Variants in WNT9B observed in about 807,000 individuals in gnomAD.
WNT9B encodes protein Wnt-9b.
Under a neutral mutation model 30.2 loss-of-function variants are expected in WNT9B, and 12 were observed. The observed-to-expected ratio is 0.40, with a 90% CI of 0.26 to 0.64. The LOEUF (loss-of-function observed/expected upper bound fraction) is 0.64, where lower values mean the gene tolerates loss of function less well. Ranked by LOEUF, WNT9B falls within the 30% of genes least tolerant of loss-of-function variation. WNT9B has a pLI of 0.42. For synonymous variants in WNT9B, 218 were observed against 216.9 expected (o/e 1.01, Z -0.05); for missense variants, 442 against 485.2 (o/e 0.91, Z 0.84).
downstream of WNT9B, chr17:46,885,299 C>A (rs1220061478): frequency 1.7e-5 from 4 of 240,652 alleles, no homozygotes; most frequent in African/African-American, 7.8e-5. Flanking sequence ...AGCCACTGCG[C>A]CTGGCCAGCA....
intron 1 of WNT9B, among the ~76,000 whole-genome samples, chr17:46,863,315 C>G (rs1024945924): frequency 6.6e-6 from 1 of 152,162 alleles, no homozygotes; most frequent in Non-Finnish European, 1.5e-5. Context: ...GGTTAGACAC[C>G]TAAGGGGCAT....
At chr17:46,841,760 G>C (rs1045205776) in intron 1 of WNT9B, among the ~76,000 whole-genome samples, 6 of 152,258 alleles carry the variant, frequency 3.9e-5, no homozygotes, top group Non-Finnish European at 8.8e-5. Context: ...GCAGTGTGAG[G>C]CAGGCGGACA....
chr17:46,868,995 C>T (rs376849478), intron 1 of WNT9B, among the ~76,000 whole-genome samples: 6 of 152,186 alleles, frequency 3.9e-5, no homozygotes, highest in East Asian at 3.9e-4. Flanking sequence ...AAAGGAAATA[C>T]GATCCCAAAC....
chr17:46,842,174 T>C (rs567401779), intron 1 of WNT9B, among the ~76,000 whole-genome samples: 2 of 152,322 alleles, frequency 1.3e-5, no homozygotes, highest in Admixed American at 6.5e-5. Flanking sequence ...TTTAGGTCCT[T>C]GGGCAGGCCA....
chr17:46,844,223 C>T (rs921092780), intron 1 of WNT9B, among the ~76,000 whole-genome samples: 3 of 151,612 alleles, frequency 2.0e-5, no homozygotes, highest in Non-Finnish European at 2.9e-5. Context: ...TCCCAGAATG[C>T]TAGGATTATA....
intron 1 of WNT9B, among the ~76,000 whole-genome samples, chr17:46,858,677 A>G (rs7211690): frequency 0.025 from 3,734 of 152,166 alleles, 155 homozygotes; most frequent in African/African-American, 0.085. Flanking sequence ...TTCCTCCAGA[A>G]CCATGTAGGA....
In WNT9B at chr17:46,875,328, G is replaced by T; in HGVS notation, c.562G>T (p.Ala188Ser). 6.2e-7 allele frequency: 1 copy of T among 1,612,564 alleles called. No individual in the cohort carries two copies. Among genetic ancestry groups the T allele is most frequent in the Non-Finnish European group, 8.5e-7 (1 of 1,178,914 alleles). The change falls in exon 3 of 4, where the codon GCA (alanine) becomes TCA (serine). Residue 188 changes from alanine (A) to serine (S), a missense_variant. Coordinates refer to ENST00000290015, the MANE Select transcript of WNT9B (RefSeq NM_003396.3). Reference sequence around the variant, plus strand: ...CAAGAGAGGAAACAAGGACCTGCGGGCACGGGCAGACGCCCACAATACCCA... The same window carrying T: ...CAAGAGAGGAAACAAGGACCTGCGGTCACGGGCAGACGCCCACAATACCCA... ...GSKRGNKDLRARADAHNTHVG... is the reference protein window; with the variant it reads ...GSKRGNKDLRSRADAHNTHVG...
At chr17:46,848,812 C>T (rs1436872470), upstream of WNT9B, among the ~76,000 whole-genome samples, 1 of 152,226 alleles carries the variant, frequency 6.6e-6, no homozygotes, top group Non-Finnish European at 1.5e-5. Flanking sequence ...ACACCTGCTA[C>T]GTCAGCTCTC....
downstream of WNT9B, among the ~76,000 whole-genome samples, chr17:46,884,442 C>G (rs2085464981): frequency 6.6e-6 from 1 of 152,126 alleles, no homozygotes; most frequent in African/African-American, 2.4e-5. Flanking sequence ...AGGAGATCCT[C>G]AAGCTCTGCT....
rs1422586652 is a variant in WNT9B at position 46,876,900 on chromosome 17, TCAACAAAG to T, written c.*183_*190del. The T allele has an allele frequency of 2.1e-5, 29 of 1,370,122 alleles. No homozygotes were observed. The East Asian group carries it at 5.3e-4, about 25-fold the overall frequency. 84.9% of individuals were successfully genotyped at this position (1,370,122 alleles called of 1,614,324 possible). A position where few individuals can be genotyped will look rare whatever the true frequency, so the allele number is the denominator to read the frequency against. The stretch of plus-strand genomic sequence containing the variant: ...GCCAGCCTTTTGCCTCCCTCGATAC[TCAACAAAG>T]AGAAGCAAAGCCTCCTCCCTTAACC... On this transcript the variant is annotated 3_prime_UTR_variant, in exon 4 of 4. Coordinates refer to ENST00000290015, the MANE Select transcript of WNT9B (RefSeq NM_003396.3).
At chr17:46,863,551 G>A (rs1179897095) in intron 1 of WNT9B, among the ~76,000 whole-genome samples, 1 of 152,184 alleles carries the variant, frequency 6.6e-6, no homozygotes, top group Non-Finnish European at 1.5e-5. Flanking sequence ...GGGGGATGGG[G>A]CTGGCAAGTA....
At chr17:46,848,043 G>A (rs184316580), upstream of WNT9B, among the ~76,000 whole-genome samples, 485 of 152,110 alleles carry the variant, frequency 3.2e-3, 18 homozygotes, top group Admixed American at 0.029. Context: ...AGCCCTGAGC[G>A]CTGGCTGCCT....
intron 1 of WNT9B, among the ~76,000 whole-genome samples, chr17:46,870,367 C>A (rs955550954): frequency 5.9e-5 from 9 of 152,224 alleles, no homozygotes; most frequent in African/African-American, 2.2e-4. Context: ...TTCTCTGGAC[C>A]TGCCAAGGGT....
At chr17:46,882,365 G>A (rs1350968591), downstream of WNT9B, among the ~76,000 whole-genome samples, 7 of 152,146 alleles carry the variant, frequency 4.6e-5, no homozygotes, top group South Asian at 2.1e-4. Context: ...TTGCCTGATC[G>A]TTTCCTTGTA....
intron 1 of WNT9B, among the ~76,000 whole-genome samples, chr17:46,837,723 G>A (rs937474633): frequency 1.3e-5 from 2 of 152,192 alleles, no homozygotes; most frequent in African/African-American, 4.8e-5. Context: ...TGGAGGGATG[G>A]CTCATGGTCA....
intron 1 of WNT9B, among the ~76,000 whole-genome samples, chr17:46,837,076 A>G (rs772339040): frequency 8.6e-5 from 13 of 151,898 alleles, no homozygotes; most frequent in East Asian, 1.9e-4. Context: ...CCAAGTAGCT[A>G]GGACTACAGG....
In WNT9B at chr17:46,877,337, C is replaced by T. The variant is rs2085361809; in HGVS notation, c.*619C>T. On this transcript the variant is annotated 3_prime_UTR_variant, in exon 4 of 4. Transcript: ENST00000290015. ...GGAGAGCTTTCTGTGCTTGAGTGGA[C>T]CCGAGTGAGATCTGTGCCCTGGAGC... Among the ~76,000 whole-genome samples, 1 of 152,202 alleles carries T rather than the reference C, an allele frequency of 6.6e-6. No homozygotes were observed. The highest frequency in any genetic ancestry group is 1.5e-5 in the Non-Finnish European group (1 of 68,034).
In WNT9B at chr17:46,877,189, G is replaced by A; in HGVS notation, c.*471G>A. The A allele has an allele frequency of 1.6e-6, 1 of 613,550 alleles. No individual in the cohort carries two copies. Among genetic ancestry groups the A allele is most frequent in the Non-Finnish European group, 2.0e-6 (1 of 490,562 alleles). The allele number at this position is 613,550 out of a possible 1,614,324, so 38.0% of individuals were successfully genotyped here. A position where few individuals can be genotyped will look rare whatever the true frequency, so the allele number is the denominator to read the frequency against. ...AGCCTGGCTGAGATGGGTCAATCGGGTCCTGTGGCCCTGCTCAGGTGCAGT... is the reference window on the plus strand; with the variant it reads ...AGCCTGGCTGAGATGGGTCAATCGGATCCTGTGGCCCTGCTCAGGTGCAGT... On this transcript the variant is annotated 3_prime_UTR_variant, in exon 4 of 4. Coordinates refer to ENST00000290015, the MANE Select transcript of WNT9B (RefSeq NM_003396.3).
chr17:46,860,303 G>A (rs16941133), intron 1 of WNT9B, among the ~76,000 whole-genome samples: 29,701 of 152,028 alleles, frequency 0.2, 3,558 homozygotes, highest in East Asian at 0.51. Flanking sequence ...AGAGGTCCTG[G>A]TGCCTTTGGG....
Sources: allele counts gnomAD v4.1 joint callset (sites outside exome capture counted in the v4.1 genomes callset), GRCh38; gene constraint gnomAD v4.1.1; transcripts MANE v1.5; gene names NCBI Gene and HGNC (gene_info 2026-07-23, HGNC 2026-07-21).